Variants in HDLBP observed in about 807,000 individuals in gnomAD.
HDLBP encodes high density lipoprotein binding protein.
HDLBP carries 30 observed loss-of-function variants against 137.3 expected under a neutral mutation model. The observed-to-expected ratio is 0.22, with a 90% CI of 0.16 to 0.30. The LOEUF (loss-of-function observed/expected upper bound fraction) is 0.30. HDLBP is among the 10% of genes least tolerant of loss of function. The probability of loss-of-function intolerance (pLI) is 1.00; values close to 1 mark genes in which losing one functional copy is unlikely to be tolerated. For synonymous variants in HDLBP, 606 were observed against 596.0 expected (o/e 1.02, Z -0.24); for missense variants, 1,119 against 1,667.3 (o/e 0.67, Z 5.73).
intron 1 of HDLBP, among the ~76,000 whole-genome samples, chr2:241,275,334 G>C (rs6726915): frequency 7.9e-4 from 120 of 151,912 alleles, no homozygotes; most frequent in African/African-American, 2.6e-3. Flanking sequence ...TCGGGAGACA[G>C]AACTAAGATT....
chr2:241,309,225 G>A (rs2075685629), intron 1 of HDLBP, among the ~76,000 whole-genome samples: 1 of 152,068 alleles, frequency 6.6e-6, no homozygotes, highest in African/African-American at 2.4e-5. Context: ...TGGACATACT[G>A]CATATCTGCT....
chr2:241,302,348 AG>A (rs2075425069), intron 1 of HDLBP, among the ~76,000 whole-genome samples: 1 of 152,136 alleles, frequency 6.6e-6, no homozygotes, highest in African/African-American at 2.4e-5. Context: ...ACTTGAGTCC[AG>A]GAGTACAAGA....
intron 1 of HDLBP, among the ~76,000 whole-genome samples, chr2:241,275,665 AAG>A (rs2149598673): frequency 6.6e-6 from 1 of 152,320 alleles, no homozygotes; most frequent in South Asian, 2.1e-4. Flanking sequence ...CACCAAAGAC[AAG>A]AGCAGGACCT....
chr2:241,307,221 A>G (rs2075612273), intron 1 of HDLBP, among the ~76,000 whole-genome samples: 1 of 152,148 alleles, frequency 6.6e-6, no homozygotes, highest in African/African-American at 2.4e-5. Flanking sequence ...TACCTCAAGA[A>G]CTTCTGAGAC....
In HDLBP at chr2:241,272,443, G is replaced by A. The variant is rs2149583713; in HGVS notation, c.-102-3902C>T. Reference sequence around the variant, plus strand: ...ACCGAAGCCCCGGGAGGAGGCGGGGGAGCCCAGCTTGCAGCCAAGAGCGGC... The same window carrying A: ...ACCGAAGCCCCGGGAGGAGGCGGGGAAGCCCAGCTTGCAGCCAAGAGCGGC... On this transcript the variant is annotated intron_variant, in intron 1 of 27. Coordinates refer to ENST00000310931, the MANE Select transcript of HDLBP (RefSeq NM_005336.6). The surrounding 1 kb of genome is among the most constrained non-coding windows in gnomAD (Gnocchi z 5.6). 3.0e-6 allele frequency: 3 copies of A among 984,748 alleles called. No individual in the cohort carries two copies. Among genetic ancestry groups the A allele is most frequent in the East Asian group, 1.1e-4 (1 of 8,768 alleles). 61.0% of individuals were successfully genotyped at this position (984,748 alleles called of 1,614,324 possible).
At chr2:241,242,769 G>A in intron 16 of HDLBP, 91 bp from the exon 17 acceptor site, 2 of 1,120,620 alleles carry the variant, frequency 1.8e-6, no homozygotes, top group Non-Finnish European at 2.6e-6. Context: ...TGGTGGTGAT[G>A]AACACGCAGG....
chr2:241,279,635 T>C (rs2149611695), intron 1 of HDLBP, among the ~76,000 whole-genome samples: 1 of 152,078 alleles, frequency 6.6e-6, no homozygotes. Flanking sequence ...GATGATGCAA[T>C]CAATGGCTCT....
chr2:241,235,987 C>T (rs541599734), intron 21 of HDLBP: 6 of 210,954 alleles, frequency 2.8e-5, no homozygotes, highest in Middle Eastern at 2.0e-3. Context: ...GGGATCAGGA[C>T]GGCTTTGGCT....
intron 1 of HDLBP, among the ~76,000 whole-genome samples, chr2:241,289,143 CA>C (rs2074928789): frequency 6.6e-6 from 1 of 152,214 alleles, no homozygotes; most frequent in Non-Finnish European, 1.5e-5. Context: ...TTTCTACAAA[CA>C]AGAAAACACA....
chr2:241,235,759 A>G, intron 21 of HDLBP, 165 bp from the exon 22 acceptor site: 1 of 582,908 alleles, frequency 1.7e-6, no homozygotes, highest in Non-Finnish European at 3.1e-6. Context: ...AGAAAAGAAT[A>G]GGAAAAGATT....
At chr2:241,273,567 G>A in intron 1 of HDLBP, 2 of 979,010 alleles carry the variant, frequency 2.0e-6, no homozygotes, top group Non-Finnish European at 2.4e-6. Flanking sequence ...AGTGATAACT[G>A]CCACTGTTTC....
intron 24 of HDLBP, chr2:241,231,260 TGTAATCC>T (rs1433190430): frequency 8.9e-6 from 2 of 225,120 alleles, no homozygotes; most frequent in Non-Finnish European, 1.8e-5. Context: ...GGTGCACGCC[TGTAATCC>T]CAGCTACTCC....
intron 10 of HDLBP, 45 bp from the exon 11 acceptor site, chr2:241,253,080 G>T: frequency 1.4e-6 from 2 of 1,433,912 alleles, no homozygotes; most frequent in South Asian, 1.1e-5. Flanking sequence ...TGGTTACTTG[G>T]CCAATGAGCT....
chr2:241,300,647 T>C (rs572099128), intron 1 of HDLBP, among the ~76,000 whole-genome samples: 23 of 152,274 alleles, frequency 1.5e-4, no homozygotes, highest in African/African-American at 5.3e-4. Context: ...CTAAATACTA[T>C]ACAAGGTAAC....
In HDLBP at chr2:241,255,471, G is replaced by C. The variant is rs746504056; in HGVS notation, c.983C>G (p.Ser328Cys). Residue 328 changes from serine to cysteine, a missense_variant, in exon 8 of 28, where the codon TCC becomes TGC. By Grantham distance (112) the Ser-to-Cys change is moderately radical (BLOSUM62 -1). Coordinates refer to ENST00000310931, the MANE Select transcript of HDLBP (RefSeq NM_005336.6). ...GCTGTCTGAGGGTGGGATCTCAACGGAAACTCCAGTTCTCTCAAGGATCTC... is the reference window on the plus strand; with the variant it reads ...GCTGTCTGAGGGTGGGATCTCAACGCAAACTCCAGTTCTCTCAAGGATCTC... Reference protein sequence around the residue: ...LQEILERTGVSVEIPPSDSIS... With the variant: ...LQEILERTGVCVEIPPSDSIS... 6.2e-7 allele frequency: 1 copy of C among 1,614,098 alleles called. No individual in the cohort carries two copies. Among genetic ancestry groups the C allele is most frequent in the Non-Finnish European group, 8.5e-7 (1 of 1,179,950 alleles).
rs576062313 is a variant in HDLBP at position 241,239,543 on chromosome 2, G to C, written c.2610+59C>G. ...CAGGGTGGAGCGAACACTCATACAC[G>C]GCTTCGGTGAGTGGCCACTGGGGGG... On this transcript the variant is annotated intron_variant, in intron 19 of 27. Coordinates refer to ENST00000310931, the MANE Select transcript of HDLBP (RefSeq NM_005336.6). The surrounding 1 kb of genome is among the most constrained non-coding windows in gnomAD (Gnocchi z 4.6). The C allele has an allele frequency of 7.8e-6, 11 of 1,410,082 alleles. No homozygotes were observed. The East Asian group carries it at 1.1e-4, about 15-fold the overall frequency. The allele number at this position is 1,410,082 out of a possible 1,614,324, so 87.3% of individuals were successfully genotyped here.
rs754018832 is a variant in HDLBP at position 241,256,810 on chromosome 2, T to C, written c.451-4A>G. On this transcript the variant is annotated splice_region_variant and splice_polypyrimidine_tract_variant and intron_variant, in intron 5 of 27. Transcript: ENST00000310931. ...GAATGGCAACAGTTGCTGAGGCCTA[T>C]AGCAAGAAGAGAATAAAAGAAAACA... 2.7e-5 allele frequency: 44 copies of C among 1,610,096 alleles called. No homozygotes were observed. Among genetic ancestry groups the C allele is most frequent in the Admixed American group, 1.2e-4 (7 of 59,952 alleles).
intron 1 of HDLBP, 104 bp downstream of exon 1, chr2:241,315,466 C>G (rs2076037034): frequency 6.6e-6 from 1 of 152,514 alleles, no homozygotes; most frequent in Non-Finnish European, 1.5e-5. Context: ...ACCACCTGCC[C>G]TCCCGCGACC....
At chr2:241,254,138 G>T (rs1001057311) in intron 9 of HDLBP, among the ~76,000 whole-genome samples, 1 of 152,092 alleles carries the variant, frequency 6.6e-6, no homozygotes, top group African/African-American at 2.4e-5. Context: ...AGCCTGGGGC[G>T]CCTGTAGTGC....
Sources: allele counts gnomAD v4.1 joint callset (sites outside exome capture counted in the v4.1 genomes callset), GRCh38; gene constraint gnomAD v4.1.1; non-coding constraint Gnocchi (gnomAD v3.1); transcripts MANE v1.5; gene names NCBI Gene and HGNC (gene_info 2026-07-23, HGNC 2026-07-21).